The following RBFOX1 variants were observed in gnomAD, a reference collection of about 807,000 sequenced individuals.
RBFOX1 encodes RNA binding fox-1 homolog 1.
A neutral mutation model predicts 57.7 loss-of-function variants in RBFOX1; 8 were observed. That is an observed-to-expected ratio of 0.14 (90% CI 0.08 to 0.25). RBFOX1 has a LOEUF of 0.25. Ranked by LOEUF, RBFOX1 falls within the 10% of genes least tolerant of loss-of-function variation. The pLI is 1.00. For missense variants in RBFOX1, 611 were observed against 548.5 expected, an observed-to-expected ratio of 1.11 and a Z score of -1.14; for synonymous variants, 326 against 222.4, an observed-to-expected ratio of 1.47 and a Z score of -4.15.
chr16:6,501,678 C>T (rs1444715164), intron 2 of RBFOX1, among the ~76,000 whole-genome samples: 3 of 152,140 alleles, frequency 2.0e-5, no homozygotes, highest in African/African-American at 4.8e-5. Flanking sequence ...CTTCTCCTGA[C>T]GTTTCTGATC....
At chr16:5,578,679 A>C (rs1015993683) in intron 2 of RBFOX1, among the ~76,000 whole-genome samples, 3 of 152,138 alleles carry the variant, frequency 2.0e-5, no homozygotes, top group Non-Finnish European at 4.4e-5. Context: ...GTTCTCGGCA[A>C]AAATGAAACT....
At chr16:5,654,616 T>C (rs567401029) in intron 3 of RBFOX1, among the ~76,000 whole-genome samples, 1 of 152,296 alleles carries the variant, frequency 6.6e-6, no homozygotes, top group South Asian at 2.1e-4. Context: ...CCAGCCCCAC[T>C]GAGCCTCCCA....
At chr16:6,899,183 A>G (rs1233618892) in intron 3 of RBFOX1, among the ~76,000 whole-genome samples, 2 of 102,926 alleles carry the variant, frequency 1.9e-5, no homozygotes, top group Non-Finnish European at 4.5e-5. Flanking sequence ...TGTGTATAAT[A>G]TGTGTGTGAG....
chr16:7,420,889 A>G (rs1598024568), intron 4 of RBFOX1, among the ~76,000 whole-genome samples: 1 of 147,370 alleles, frequency 6.8e-6, no homozygotes, highest in African/African-American at 2.5e-5. Context: ...TAAAATATAT[A>G]TATATATACA....
chr16:6,344,499 G>A (rs143549935), intron 2 of RBFOX1, among the ~76,000 whole-genome samples: 17 of 139,690 alleles, frequency 1.2e-4, no homozygotes, highest in Admixed American at 7.7e-4. Flanking sequence ...CCGGGTTCAC[G>A]CCATTCTCCT....
At chr16:7,340,421 G>C (rs767601376) in intron 4 of RBFOX1, among the ~76,000 whole-genome samples, 22 of 152,194 alleles carry the variant, frequency 1.4e-4, no homozygotes, top group Non-Finnish European at 2.8e-4. Context: ...TTCATGATCA[G>C]ATTTGCCAAA....
At chr16:5,995,796 C>T (rs912919092) in intron 4 of RBFOX1, among the ~76,000 whole-genome samples, 20 of 152,152 alleles carry the variant, frequency 1.3e-4, no homozygotes, top group Admixed American at 3.9e-4. Context: ...TGGGCATTCT[C>T]ACCATTTCAT....
intron 3 of RBFOX1, among the ~76,000 whole-genome samples, chr16:6,702,968 G>A (rs2062088084): frequency 6.6e-6 from 1 of 152,124 alleles, no homozygotes; most frequent in Non-Finnish European, 1.5e-5. Context: ...TCTGCTTTCT[G>A]TCCCTATGGA....
chr16:7,071,304 AAGGTAGGTAT>A (rs2057286616), intron 4 of RBFOX1, among the ~76,000 whole-genome samples: 1 of 152,074 alleles, frequency 6.6e-6, no homozygotes, highest in Admixed American at 6.5e-5. Context: ...GTGGTGTGAA[AAGGTAGGTAT>A]ATGTAATTAT....
intron 4 of RBFOX1, among the ~76,000 whole-genome samples, chr16:7,334,169 TG>T (rs1441438270): frequency 1.3e-5 from 2 of 152,150 alleles, no homozygotes; most frequent in African/African-American, 4.8e-5. Context: ...TGTACGAACC[TG>T]GGTGATTAGA....
chr16:5,553,961 A>C (rs1202979435), intron 2 of RBFOX1, among the ~76,000 whole-genome samples: 1 of 136,592 alleles, frequency 7.3e-6, no homozygotes, highest in Admixed American at 8.5e-5. Flanking sequence ...CTTTCTTATA[A>C]CACGTATTCT....
chr16:6,565,885 C>A (rs994467385), intron 2 of RBFOX1, among the ~76,000 whole-genome samples: 1 of 152,198 alleles, frequency 6.6e-6, no homozygotes, highest in Non-Finnish European at 1.5e-5. Context: ...TAACACATAA[C>A]CCCCAATATC....
At chr16:5,897,234 A>C in intron 4 of RBFOX1, among the ~76,000 whole-genome samples, 1 of 149,714 alleles carries the variant, frequency 6.7e-6, no homozygotes, top group Non-Finnish European at 1.5e-5. Context: ...ACGGGGTTTC[A>C]CCTTGTTAGC....
chr16:6,298,153 T>A (rs903030268), intron 1 of RBFOX1, among the ~76,000 whole-genome samples: 1 of 152,172 alleles, frequency 6.6e-6, no homozygotes, highest in African/African-American at 2.4e-5. Flanking sequence ...CAGCTGTCTG[T>A]CATCATGCTC....
chr16:7,579,646 G>C, intron 5 of RBFOX1, 131 bp from the exon 6 acceptor site: 1 of 1,105,546 alleles, frequency 9.0e-7, no homozygotes, highest in East Asian at 2.4e-5. Flanking sequence ...GCATGCATGC[G>C]TCAGCATTTT....
At chr16:7,367,904 A>ACACG (rs1555789583) in intron 4 of RBFOX1, among the ~76,000 whole-genome samples, 30 of 151,898 alleles carry the variant, frequency 2.0e-4, no homozygotes, top group African/African-American at 7.0e-4. Flanking sequence ...ACACACACAC[A>ACACG]CACACACACA....
intron 3 of RBFOX1, among the ~76,000 whole-genome samples, chr16:5,805,040 C>G (rs1336651392): frequency 6.6e-6 from 1 of 151,722 alleles, no homozygotes; most frequent in East Asian, 1.9e-4. Flanking sequence ...TGGAAAAATA[C>G]AGTTTGGGGA....
chr16:7,186,179 T>G (rs937357811), intron 4 of RBFOX1, among the ~76,000 whole-genome samples: 1 of 150,348 alleles, frequency 6.7e-6, no homozygotes, highest in African/African-American at 2.4e-5. Context: ...CATAAATATG[T>G]ATATAAATAT....
At chr16:7,089,087 C>T (rs905321301) in intron 4 of RBFOX1, among the ~76,000 whole-genome samples, 22 of 152,138 alleles carry the variant, frequency 1.4e-4, no homozygotes, top group African/African-American at 5.1e-4. Flanking sequence ...ACCCTTGCCC[C>T]CTTTCTTTGG....
Sources: allele counts gnomAD v4.1 joint callset (sites outside exome capture counted in the v4.1 genomes callset), GRCh38; gene constraint gnomAD v4.1.1; transcripts MANE v1.5; gene names NCBI Gene and HGNC (gene_info 2026-07-23, HGNC 2026-07-21).